Variants in DEFB110 observed in about 807,000 individuals in gnomAD.
DEFB110 encodes the protein defensin beta 110.
DEFB110 carries 4 observed loss-of-function variants against 2.5 expected under a neutral mutation model. The ratio of observed to expected loss-of-function variants is 1.60; its 90% CI spans 0.79 to 3.66. The LOEUF (loss-of-function observed/expected upper bound fraction) is 3.66, where lower values mean the gene tolerates loss of function less well. DEFB110 is among the 30% of genes most tolerant of loss of function. The probability of loss-of-function intolerance (pLI) is 0.01; values close to 1 mark genes in which losing one functional copy is unlikely to be tolerated. For synonymous variants in DEFB110, 29 were observed against 21.8 expected, an observed-to-expected ratio of 1.33 and a Z score of -0.92; for missense variants, 94 against 75.4, an observed-to-expected ratio of 1.25 and a Z score of -0.91.
intron 1 of DEFB110, among the ~76,000 whole-genome samples, chr6:50,020,511 A>G (rs1186847808): frequency 1.3e-5 from 2 of 152,156 alleles, no homozygotes; most frequent in African/African-American, 2.4e-5. Flanking sequence ...ATGAAAACAA[A>G]TAAATTATGC....
At chr6:50,020,133 A>G (rs765834274) in intron 1 of DEFB110, among the ~76,000 whole-genome samples, 19 of 152,122 alleles carry the variant, frequency 1.2e-4, no homozygotes, top group Non-Finnish European at 2.6e-4. Flanking sequence ...CAAAACTGCA[A>G]CTAAAATTTG....
At chr6:50,009,192 A>T (rs1774184566) in exon 2 of DEFB110, 3 of 1,610,826 alleles carry the variant, frequency 1.9e-6, no homozygotes, top group Non-Finnish European at 1.7e-6. Flanking sequence ...CATACTCAAC[A>T]TCATCACAAA....
intron 1 of DEFB110, among the ~76,000 whole-genome samples, chr6:50,011,974 T>C (rs1774235924): frequency 6.6e-6 from 1 of 152,078 alleles, no homozygotes; most frequent in Non-Finnish European, 1.5e-5. Flanking sequence ...GCACAAATGA[T>C]TTAGATCACT....
chr6:50,010,029 T>C (rs1774201177), intron 1 of DEFB110, among the ~76,000 whole-genome samples: 1 of 152,092 alleles, frequency 6.6e-6, no homozygotes, highest in Non-Finnish European at 1.5e-5. Flanking sequence ...ACTCTGAAAA[T>C]GCCTTTAGAG....
intron 1 of DEFB110, among the ~76,000 whole-genome samples, chr6:50,010,715 A>C (rs1382382751): frequency 6.6e-6 from 1 of 151,596 alleles, no homozygotes. Context: ...GTCATTTCAG[A>C]GACATGTTTG....
downstream of DEFB110, among the ~76,000 whole-genome samples, chr6:50,015,155 C>A (rs914100095): frequency 6.6e-6 from 1 of 151,730 alleles, no homozygotes. Context: ...AAAATTTAAT[C>A]CCTCATGAAA....
chr6:50,009,703 T>C (rs1774194937), intron 1 of DEFB110, among the ~76,000 whole-genome samples: 1 of 152,148 alleles, frequency 6.6e-6, no homozygotes, highest in African/African-American at 2.4e-5. Context: ...ACACAAATAG[T>C]AATCATAGAG....
chr6:50,015,409 T>C (rs1304915656), downstream of DEFB110, among the ~76,000 whole-genome samples: 1 of 151,746 alleles, frequency 6.6e-6, no homozygotes, highest in African/African-American at 2.4e-5. Context: ...GGTAATCAAT[T>C]TGTCAAGATA....
downstream of DEFB110, among the ~76,000 whole-genome samples, chr6:50,014,260 A>G (rs1202123458): frequency 6.6e-6 from 1 of 151,884 alleles, no homozygotes; most frequent in Non-Finnish European, 1.5e-5. Flanking sequence ...ATGAGCAAGA[A>G]GAGTTTCAGT....
chr6:50,010,319 C>T (rs565145391), intron 1 of DEFB110, among the ~76,000 whole-genome samples: 28 of 151,758 alleles, frequency 1.8e-4, no homozygotes, highest in Non-Finnish European at 2.9e-4. Context: ...TGCATAGAAT[C>T]GAATTGGAAT....
intron 1 of DEFB110, chr6:50,009,368 T>C: frequency 2.3e-6 from 3 of 1,304,526 alleles, no homozygotes; most frequent in Admixed American, 2.8e-5. Context: ...TATGAGATCA[T>C]GTGTGTGCAA....
At chr6:50,010,997 T>A (rs987334277) in intron 1 of DEFB110, among the ~76,000 whole-genome samples, 1 of 151,856 alleles carries the variant, frequency 6.6e-6, no homozygotes, top group South Asian at 2.1e-4. Flanking sequence ...TATGAGGAAA[T>A]CTATAGAACC....
chr6:50,020,342 A>C (rs1476340015), intron 1 of DEFB110, among the ~76,000 whole-genome samples: 2 of 151,960 alleles, frequency 1.3e-5, no homozygotes, highest in African/African-American at 4.8e-5. Context: ...CAATTTTTTT[A>C]AGTTTATATT....
intron 1 of DEFB110, among the ~76,000 whole-genome samples, chr6:50,020,167 T>A (rs1774394282): frequency 6.6e-6 from 1 of 151,780 alleles, no homozygotes; most frequent in African/African-American, 2.4e-5. Flanking sequence ...ACACAAAATT[T>A]GACACAATAC....
At position 50,020,268 on chromosome 6, in the gene DEFB110, G is replaced by A. The variant is rs556331479; in HGVS notation, c.56-1143C>T. ...ACTCTCACTAGAAGTTTCTTATTTA[G>A]AATTGAATATATTTAGGGGGTTTGA... On this transcript the variant is annotated intron_variant, in intron 1 of 1. Coordinates refer to ENST00000371148, the MANE Select transcript of DEFB110 (RefSeq NM_001037497.2). Among the ~76,000 whole-genome samples, 22 of 152,044 alleles carry A rather than the reference G, an allele frequency of 1.4e-4. 1 individual carries two copies. Among genetic ancestry groups the A allele is most frequent in the Admixed American group, 4.6e-4 (7 of 15,256 alleles).
At chr6:50,016,539 T>C (rs1478186312), downstream of DEFB110, among the ~76,000 whole-genome samples, 1 of 151,850 alleles carries the variant, frequency 6.6e-6, no homozygotes, top group East Asian at 1.9e-4. Context: ...ATTTCCATTT[T>C]TAAGCATTTT....
chr6:50,011,573 C>A (rs1204642324), intron 1 of DEFB110, among the ~76,000 whole-genome samples: 1 of 151,944 alleles, frequency 6.6e-6, no homozygotes, highest in African/African-American at 2.4e-5. Flanking sequence ...CAAATCTGTT[C>A]GAAAGCTAGA....
chr6:50,009,459 T>C (rs1438908349), intron 1 of DEFB110, among the ~76,000 whole-genome samples: 1 of 152,158 alleles, frequency 6.6e-6, no homozygotes, highest in Non-Finnish European at 1.5e-5. Flanking sequence ...ACTAACATTA[T>C]ACTTGTACAA....
At chr6:50,010,626 T>C (rs1334834028) in intron 1 of DEFB110, among the ~76,000 whole-genome samples, 2 of 149,482 alleles carry the variant, frequency 1.3e-5, no homozygotes, top group Non-Finnish European at 3.0e-5. Flanking sequence ...TTGATGTATA[T>C]ATATATTTTT....
Sources: gnomAD v4.1 joint callset for allele counts (sites outside exome capture counted in the v4.1 genomes callset) on GRCh38, gnomAD v4.1.1 for gene constraint, MANE v1.5 for transcripts, NCBI Gene and HGNC (gene_info 2026-07-23, HGNC 2026-07-21) for gene names.